The following NUP98 variants were observed in gnomAD, a reference collection of about 807,000 sequenced individuals.
The protein encoded by NUP98 is nucleoporin 98 and 96 precursor.
Under a neutral mutation model 191.9 loss-of-function variants are expected in NUP98, and 26 were observed. The observed-to-expected ratio is 0.14, with a 90% CI of 0.10 to 0.19. The LOEUF is 0.19. Among genes scored for constraint, NUP98 ranks in the 10% least tolerant of loss-of-function variants. The pLI is 1.00. For synonymous variants in NUP98, 808 were observed against 778.4 expected (o/e 1.04, Z -0.63); for missense variants, 1,941 against 2,178.8 (o/e 0.89, Z 2.17).
intron 31 of NUP98, among the ~76,000 whole-genome samples, chr11:3,677,256 C>G (rs2133992619): frequency 6.6e-6 from 1 of 152,086 alleles, no homozygotes; most frequent in South Asian, 2.1e-4. Flanking sequence ...TAAATTGAGA[C>G]CTGAATAACA....
intron 14 of NUP98, among the ~76,000 whole-genome samples, chr11:3,730,785 G>A (rs912610554): frequency 6.6e-6 from 1 of 152,186 alleles, no homozygotes; most frequent in South Asian, 2.1e-4. Flanking sequence ...CTGGGTGACA[G>A]AGTGAGACCT....
intron 20 of NUP98, chr11:3,712,216 AG>A: frequency 1.8e-6 from 2 of 1,089,032 alleles, no homozygotes; most frequent in Non-Finnish European, 2.2e-6. Flanking sequence ...CACATCAGGT[AG>A]TCAATAAAGG....
intron 6 of NUP98, among the ~76,000 whole-genome samples, chr11:3,772,648 C>G (rs2081567677): frequency 6.6e-6 from 1 of 151,980 alleles, no homozygotes; most frequent in South Asian, 2.1e-4. Context: ...AATCCCATCT[C>G]TACTAAAAAT....
rs777974011 is a variant in NUP98 at position 3,771,858 on chromosome 11, G to A, written c.674C>T (p.Thr225Ile). The A allele has an allele frequency of 6.2e-7, 1 of 1,614,178 alleles. No homozygotes were observed. The highest frequency in any genetic ancestry group is 1.1e-5 in the South Asian group (1 of 91,084). The part of the protein sequence containing the change: ...PQNQVGAGTT[T>I]GLFGSSPATS... The stretch of plus-strand genomic sequence containing the variant: ...GGCTGGAGAAGACCCAAACAAGCCA[G>A]TTGTGGTACCTGCTCCCACCTGGTT... The change falls in exon 7 of 33, where the codon ACT becomes ATT. Residue 225 changes from threonine to isoleucine, a missense_variant. Coordinates refer to ENST00000324932, the MANE Select transcript of NUP98 (RefSeq NM_016320.5).
intron 28 of NUP98, 55 bp from the exon 29 acceptor site, chr11:3,686,249 A>T: frequency 6.8e-7 from 1 of 1,479,892 alleles, no homozygotes; most frequent in Non-Finnish European, 9.4e-7. Context: ...GCCTGGACTG[A>T]TATGTCAACT....
chr11:3,769,675 G>T (rs116234515), intron 7 of NUP98, among the ~76,000 whole-genome samples: 2,261 of 151,896 alleles, frequency 0.015, 67 homozygotes, highest in African/African-American at 0.052. Flanking sequence ...CTGGGAGGCT[G>T]AGACGGGTGA....
At chr11:3,710,182 A>G (rs2078991444) in intron 20 of NUP98, among the ~76,000 whole-genome samples, 1 of 152,152 alleles carries the variant, frequency 6.6e-6, no homozygotes, top group Non-Finnish European at 1.5e-5. Context: ...CAAGCTTACC[A>G]GGGCATTGAT....
At chr11:3,767,239 G>A (rs2081369174) in intron 8 of NUP98, among the ~76,000 whole-genome samples, 1 of 151,704 alleles carries the variant, frequency 6.6e-6, no homozygotes, top group South Asian at 2.1e-4. Flanking sequence ...GGGATTACAG[G>A]CAGGAGCCAG....
chr11:3,738,676 G>C (rs548708119), intron 12 of NUP98, among the ~76,000 whole-genome samples: 1 of 151,758 alleles, frequency 6.6e-6, no homozygotes, highest in African/African-American at 2.4e-5. Flanking sequence ...CTACGCAGGA[G>C]GCTGAGACAG....
At chr11:3,679,042 A>G (rs767564744) in intron 31 of NUP98, among the ~76,000 whole-genome samples, 47 of 151,192 alleles carry the variant, frequency 3.1e-4, no homozygotes, top group Non-Finnish European at 5.6e-4. Context: ...AGACTCACTT[A>G]AGACTGGGAG....
At chr11:3,778,770 T>C in intron 4 of NUP98, 103 bp downstream of exon 4, 1 of 1,224,634 alleles carries the variant, frequency 8.2e-7, no homozygotes, top group South Asian at 1.4e-5. Context: ...TGCCATTTAG[T>C]AGGAAAAGAA....
chr11:3,708,649 T>G (rs2078936039), intron 20 of NUP98, among the ~76,000 whole-genome samples: 2 of 151,808 alleles, frequency 1.3e-5, no homozygotes, highest in South Asian at 4.2e-4. Flanking sequence ...CAAAGCTGTC[T>G]GTGTACTTAT....
intron 20 of NUP98, among the ~76,000 whole-genome samples, chr11:3,710,704 G>A (rs1398133005): frequency 6.6e-6 from 1 of 152,152 alleles, no homozygotes; most frequent in Non-Finnish European, 1.5e-5. Flanking sequence ...GGTCTTTGGT[G>A]CTAATAACAA....
At chr11:3,791,506 C>T (rs1231122809) in intron 1 of NUP98, among the ~76,000 whole-genome samples, 8 of 135,664 alleles carry the variant, frequency 5.9e-5, no homozygotes, top group African/African-American at 2.3e-4. Flanking sequence ...TGTACTCCAG[C>T]CTGGGGGAAA....
At chr11:3,709,192 G>C (rs1200347644) in intron 20 of NUP98, among the ~76,000 whole-genome samples, 1 of 152,170 alleles carries the variant, frequency 6.6e-6, no homozygotes, top group Non-Finnish European at 1.5e-5. Context: ...CAAACAGTTT[G>C]ATCCAATATA....
chr11:3,765,023 A>T (rs1373784511), intron 8 of NUP98, among the ~76,000 whole-genome samples: 1 of 152,138 alleles, frequency 6.6e-6, no homozygotes, highest in Non-Finnish European at 1.5e-5. Context: ...GTCAATTCAA[A>T]TCCTTGGCCC....
intron 1 of NUP98, 74 bp downstream of exon 1, chr11:3,797,326 C>A: frequency 2.5e-6 from 1 of 400,178 alleles, no homozygotes; most frequent in Non-Finnish European, 4.4e-6. Flanking sequence ...CTGAGACGCC[C>A]CGCGCGTCCG....
intron 21 of NUP98, among the ~76,000 whole-genome samples, chr11:3,706,186 A>G (rs1342897044): frequency 1.3e-5 from 2 of 152,042 alleles, no homozygotes; most frequent in African/African-American, 2.4e-5. Context: ...ACAAAACACA[A>G]CAAAATTGGG....
At chr11:3,709,088 AAAGT>A (rs1363496673) in intron 20 of NUP98, among the ~76,000 whole-genome samples, 1 of 152,214 alleles carries the variant, frequency 6.6e-6, no homozygotes, top group Non-Finnish European at 1.5e-5. Context: ...TTCAGTAGGA[AAAGT>A]AAGATATATC....
Sources: allele counts gnomAD v4.1 joint callset (sites outside exome capture counted in the v4.1 genomes callset), GRCh38; gene constraint gnomAD v4.1.1; transcripts MANE v1.5; gene names NCBI Gene and HGNC (gene_info 2026-07-23, HGNC 2026-07-21).